The following PDE4D variants were observed in gnomAD, a reference collection of about 807,000 sequenced individuals.
PDE4D encodes the protein phosphodiesterase 4D, also known as 3',5'-cyclic-AMP phosphodiesterase 4D.
PDE4D carries 24 observed loss-of-function variants against 87.4 expected under a neutral mutation model. The ratio of observed to expected loss-of-function variants is 0.27; its 90% CI spans 0.20 to 0.39. PDE4D has a LOEUF of 0.39. Among genes scored for constraint, PDE4D ranks in the 10% least tolerant of loss-of-function variants. The probability of loss-of-function intolerance (pLI) is 1.00; values close to 1 mark genes in which losing one functional copy is unlikely to be tolerated. For missense variants in PDE4D, 714 were observed against 1,041.0 expected (o/e 0.69, Z 4.32); for synonymous variants, 384 against 383.2 (o/e 1.00, Z -0.02).
In PDE4D at chr5:59,253,443, C is replaced by A. The variant is rs1003946545; in HGVS notation, c.456-37475G>T. Among the ~76,000 whole-genome samples the A allele has an allele frequency of 2.6e-5, 4 of 152,160 alleles. No homozygotes were observed. The East Asian group carries it at 7.7e-4, about 29-fold the overall frequency. The stretch of plus-strand genomic sequence containing the variant: ...TTGGATGCGGTACTTGTTCTGGGAG[C>A]ATCTTTATTACTTCCATTACTCAAA... On this transcript the variant is annotated intron_variant, in intron 1 of 14. Coordinates refer to ENST00000340635, the MANE Select transcript of PDE4D (RefSeq NM_001104631.2).
chr5:60,213,707 T>A (rs1424926964), intron 1 of PDE4D, among the ~76,000 whole-genome samples: 2 of 152,164 alleles, frequency 1.3e-5, no homozygotes, highest in Admixed American at 1.3e-4. Flanking sequence ...GGCTGCTGCG[T>A]TTCTGCTACA....
intron 5 of PDE4D, among the ~76,000 whole-genome samples, chr5:59,133,568 T>C (rs1776581470): frequency 6.6e-6 from 1 of 152,206 alleles, no homozygotes; most frequent in East Asian, 1.9e-4. Flanking sequence ...CTAATTCTGC[T>C]AGTATACTGT....
chr5:59,256,485 T>C (rs1385131138), intron 1 of PDE4D, among the ~76,000 whole-genome samples: 1 of 151,994 alleles, frequency 6.6e-6, no homozygotes, highest in Non-Finnish European at 1.5e-5. Context: ...CTGTTTCAAT[T>C]AAGATAAACA....
chr5:60,367,992 T>C (rs1760700954), intron 1 of PDE4D, among the ~76,000 whole-genome samples: 1 of 152,168 alleles, frequency 6.6e-6, no homozygotes, highest in Admixed American at 6.5e-5. Context: ...TCAGATCTTA[T>C]AGACAGTGAA....
chr5:59,234,410 T>G (rs1239512149), intron 1 of PDE4D, among the ~76,000 whole-genome samples: 1 of 152,180 alleles, frequency 6.6e-6, no homozygotes, highest in African/African-American at 2.4e-5. Context: ...GAACTCTAAG[T>G]ACAGTGTAAA....
At chr5:60,342,477 A>G (rs979139912) in intron 1 of PDE4D, among the ~76,000 whole-genome samples, 1 of 152,150 alleles carries the variant, frequency 6.6e-6, no homozygotes, top group African/African-American at 2.4e-5. Context: ...ACAAGTTCCT[A>G]TATCACATCA....
chr5:59,901,467 A>C (rs1274702337), intron 3 of PDE4D, among the ~76,000 whole-genome samples: 1 of 152,188 alleles, frequency 6.6e-6, no homozygotes, highest in Non-Finnish European at 1.5e-5. Flanking sequence ...AACATTTGGA[A>C]CTTCTATTCA....
intron 1 of PDE4D, among the ~76,000 whole-genome samples, chr5:60,348,579 T>C (rs1411882045): frequency 2.0e-5 from 3 of 152,190 alleles, no homozygotes; most frequent in Non-Finnish European, 4.4e-5. Flanking sequence ...TCATTATATA[T>C]ACATTAGAGT....
chr5:59,641,468 G>A (rs140979640), intron 1 of PDE4D, among the ~76,000 whole-genome samples: 162 of 152,236 alleles, frequency 1.1e-3, no homozygotes, highest in East Asian at 5.2e-3. Context: ...AGCGAATATC[G>A]TTAAAACTTC....
chr5:59,038,232 T>G (rs888841740), intron 6 of PDE4D, among the ~76,000 whole-genome samples: 3 of 152,210 alleles, frequency 2.0e-5, no homozygotes, highest in African/African-American at 7.2e-5. Context: ...CCTTAGCACA[T>G]ATGGCACAGA....
At chr5:59,721,661 T>C (rs1272065890) in intron 1 of PDE4D, among the ~76,000 whole-genome samples, 1 of 152,154 alleles carries the variant, frequency 6.6e-6, no homozygotes, top group Non-Finnish European at 1.5e-5. Flanking sequence ...AAAATGCTGT[T>C]TAAACAATGA....
chr5:60,080,348 T>C (rs1773787187), intron 2 of PDE4D, among the ~76,000 whole-genome samples: 1 of 152,200 alleles, frequency 6.6e-6, no homozygotes, highest in Non-Finnish European at 1.5e-5. Context: ...TGACTTTCTC[T>C]CTTCCTATTT....
At chr5:60,259,266 C>G (rs1749400986) in intron 1 of PDE4D, among the ~76,000 whole-genome samples, 1 of 151,998 alleles carries the variant, frequency 6.6e-6, no homozygotes, top group Admixed American at 6.6e-5. Context: ...GAAAAACAAA[C>G]TCATCATAAA....
Position 59,356,681 on chromosome 5 carries a change from T to C in PDE4D, c.456-140713A>G, listed in dbSNP as rs550946385. Reference sequence around the variant, plus strand: ...AGCATTAGGAGTTAGAAGGTCAACATAGGGCAAAGGCTTATTTGCAAGGGG... The same window carrying C: ...AGCATTAGGAGTTAGAAGGTCAACACAGGGCAAAGGCTTATTTGCAAGGGG... On this transcript the variant is annotated intron_variant, in intron 1 of 14. Transcript: ENST00000340635. The C allele has an allele frequency of 8.7e-5, 103 of 1,187,220 alleles. 1 individual carries two copies. The South Asian group carries it at 1.0e-3, about 12-fold the overall frequency. 73.5% of individuals were successfully genotyped at this position (1,187,220 alleles called of 1,614,324 possible).
In PDE4D at chr5:59,580,654, G is replaced by A. The variant is rs979194212; in HGVS notation, c.455+312514C>T. Among the ~76,000 whole-genome samples, 9 of 152,150 alleles carry A rather than the reference G, an allele frequency of 5.9e-5. No individual in the cohort carries two copies. The East Asian group carries it at 7.8e-4, about 13-fold the overall frequency. Reference sequence around the variant, plus strand: ...AGCTACCTTTAAAAAAATAGAGAGAGAGACAGGGTCTCACTATGTTGTTCA... The same window carrying A: ...AGCTACCTTTAAAAAAATAGAGAGAAAGACAGGGTCTCACTATGTTGTTCA... On this transcript the variant is annotated intron_variant, in intron 1 of 14. Transcript: ENST00000340635.
intron 1 of PDE4D, among the ~76,000 whole-genome samples, chr5:60,228,039 A>G (rs1214155553): frequency 6.6e-6 from 1 of 151,738 alleles, no homozygotes; most frequent in East Asian, 2.0e-4. Context: ...CATCTCTCCC[A>G]TTGCCCATCA....
intron 1 of PDE4D, among the ~76,000 whole-genome samples, chr5:60,470,349 G>C (rs1440269072): frequency 6.6e-6 from 1 of 152,206 alleles, no homozygotes; most frequent in Non-Finnish European, 1.5e-5. Flanking sequence ...ACAAGGTGAA[G>C]CAGCAAATGC....
intron 1 of PDE4D, among the ~76,000 whole-genome samples, chr5:60,258,095 C>T (rs1367376774): frequency 6.6e-6 from 1 of 151,956 alleles, no homozygotes; most frequent in Non-Finnish European, 1.5e-5. Context: ...AAAGAGGGGA[C>T]TGTTTAGTAA....
chr5:60,145,651 A>G (rs1180073770), intron 2 of PDE4D, among the ~76,000 whole-genome samples: 1 of 152,210 alleles, frequency 6.6e-6, no homozygotes, highest in Non-Finnish European at 1.5e-5. Context: ...AGTACCTAGC[A>G]GAGAGCCTTT....
Sources: allele counts gnomAD v4.1 joint callset (sites outside exome capture counted in the v4.1 genomes callset), GRCh38; gene constraint gnomAD v4.1.1; transcripts MANE v1.5; gene names NCBI Gene and HGNC (gene_info 2026-07-23, HGNC 2026-07-21).